The following PINK1 variants were observed in gnomAD, a reference collection of about 807,000 sequenced individuals.
PINK1 encodes serine/threonine-protein kinase PINK1, mitochondrial.
In PINK1, 58 loss-of-function variants were observed where a neutral mutation model predicts 56.0. That is an observed-to-expected ratio of 1.04 (90% CI 0.84 to 1.29). PINK1 has a LOEUF of 1.29. Among genes scored for constraint, PINK1 ranks in the 50% most tolerant of loss-of-function variants. The pLI, the probability that PINK1 is intolerant of heterozygous loss-of-function variation, is 0.00. For missense variants in PINK1, 745 were observed against 777.9 expected, an observed-to-expected ratio of 0.96 and a Z score of 0.50; for synonymous variants, 354 against 339.3, an observed-to-expected ratio of 1.04 and a Z score of -0.48.
chr1:20,645,605 C>T lies in PINK1; in HGVS notation c.1005C>T (p.Ser335=), dbSNP rs776594592. The T allele has an allele frequency of 1.3e-5, 21 of 1,613,894 alleles. No homozygotes were observed. In the Admixed American group the frequency reaches 1.3e-4, roughly 10 times the overall value. ...AGTACCTTTGTGTGAACACACCCAG[C>T]CCCCGCCTCGCCGCCATGATGCTGC... ...LRQYLCVNTP[S]PRLAAMMLLQ... The change falls in exon 5 of 8, where the codon AGC becomes AGT. Residue 335 remains serine (S), a synonymous_variant. Transcript: ENST00000321556.
Position 20,650,587 on chromosome 1 carries a change from T to A in PINK1, c.1642T>A (p.Cys548Ser). The A allele has an allele frequency of 6.2e-7, 1 of 1,614,196 alleles. No individual in the cohort carries two copies. The highest frequency in any genetic ancestry group is 8.5e-7 in the Non-Finnish European group (1 of 1,180,040). The part of the protein sequence containing the change: ...TLLANRLTEK[C>S]CVETKMKMLF... ...GTTGGCCAACAGGCTCACAGAGAAG[T>A]GTTGTGTGGAAACAAAAATGAAGAT... is the stretch of plus-strand genomic sequence containing the variant. The change falls in exon 8 of 8, where the codon TGT (cysteine) becomes AGT (serine). Residue 548 changes from cysteine to serine, a missense_variant. Physicochemically the swap from Cys to Ser is moderately radical, Grantham distance 112. Coordinates refer to ENST00000321556, the MANE Select transcript of PINK1 (RefSeq NM_032409.3).
At chr1:20,642,287 C>T (rs753884910) in intron 3 of PINK1, among the ~76,000 whole-genome samples, 1 of 152,210 alleles carries the variant, frequency 6.6e-6, no homozygotes, top group Non-Finnish European at 1.5e-5. Flanking sequence ...GCCAAGCTTT[C>T]TATTGTGAGT....
At chr1:20,648,330 G>A in intron 5 of PINK1, 175 bp from the exon 6 acceptor site, 1 of 853,576 alleles carries the variant, frequency 1.2e-6, no homozygotes, top group Non-Finnish European at 1.9e-6. Context: ...GCATTTCCGT[G>A]TTCGCACAGC....
chr1:20,645,847 G>C lies in PINK1; in HGVS notation c.1123+124G>C. 20 of 1,291,952 alleles carry C rather than the reference G, an allele frequency of 1.5e-5. No individual in the cohort carries two copies. The South Asian group carries it at 2.5e-4, about 16-fold the overall frequency. The allele number at this position is 1,291,952 out of a possible 1,614,324, so 80.0% of individuals were successfully genotyped here. ...CTAAGTCATGTCTTTATTTAGCTCC[G>C]CACACAAGAGGTTAGCAATCTCTCC... On this transcript the variant is annotated intron_variant, in intron 5 of 7. Coordinates refer to ENST00000321556, the MANE Select transcript of PINK1 (RefSeq NM_032409.3).
At chr1:20,647,520 G>C (rs376973620) in intron 5 of PINK1, among the ~76,000 whole-genome samples, 2 of 142,074 alleles carry the variant, frequency 1.4e-5, no homozygotes, top group Admixed American at 7.6e-5. Context: ...GCCCAGGCTG[G>C]AGTGCAGTGG....
intron 6 of PINK1, 170 bp from the exon 7 acceptor site, chr1:20,648,825 C>T (rs1345357215): frequency 7.2e-6 from 9 of 1,258,460 alleles, no homozygotes; most frequent in East Asian, 2.5e-5. Context: ...AGTCCTGTCA[C>T]ATAAACCAGG....
chr1:20,637,475 G>A (rs376021050), intron 1 of PINK1, among the ~76,000 whole-genome samples: 4 of 152,164 alleles, frequency 2.6e-5, no homozygotes, highest in Middle Eastern at 3.2e-3. Flanking sequence ...CCCAGGAGCC[G>A]TCAGCCAAGG....
At position 20,637,930 on chromosome 1, in the gene PINK1, G is replaced by A. The variant is rs979262553; in HGVS notation, c.476G>A (p.Gly159Glu). Residue 159 changes from glycine to glutamate, a missense_variant, in exon 2 of 8, where the codon GGG becomes GAG. Coordinates refer to ENST00000321556, the MANE Select transcript of PINK1 (RefSeq NM_032409.3). ...TTTCGGCTGGAGGAGTATCTGATAG[G>A]GCAGTCCATTGGTAAGGGCTGCAGT... Reference protein sequence around the residue: ...QGFRLEEYLIGQSIGKGCSAA... With the variant: ...QGFRLEEYLIEQSIGKGCSAA... The A allele has an allele frequency of 1.9e-6, 3 of 1,614,022 alleles. No individual in the cohort carries two copies. Among genetic ancestry groups the A allele is most frequent in the Non-Finnish European group, 2.5e-6 (3 of 1,180,040 alleles).
In PINK1 at chr1:20,638,082, G is replaced by A; in HGVS notation, c.628G>A (p.Gly210Arg). ...AGGAGAAGGGCAGGAGCGAGCTCCGGGGGCCCCTGCCTTCCCCTTGGCCAT... is the reference window on the plus strand; with the variant it reads ...AGGAGAAGGGCAGGAGCGAGCTCCGAGGGCCCCTGCCTTCCCCTTGGCCAT... ...APGEGQERAP[G>R]APAFPLAIKM... The change falls in exon 2 of 8, where the codon GGG becomes AGG. Residue 210 changes from glycine to arginine, a missense_variant. Physicochemically the swap from Gly to Arg is moderately radical, Grantham distance 125. Coordinates refer to ENST00000321556, the MANE Select transcript of PINK1 (RefSeq NM_032409.3). The A allele has an allele frequency of 6.2e-7, 1 of 1,613,948 alleles. No homozygotes were observed. Among genetic ancestry groups the A allele is most frequent in the Non-Finnish European group, 8.5e-7 (1 of 1,180,012 alleles).
intron 3 of PINK1, among the ~76,000 whole-genome samples, chr1:20,644,129 T>C (rs571534259): frequency 5.9e-4 from 90 of 152,136 alleles, no homozygotes; most frequent in Non-Finnish European, 1.2e-3. Context: ...GTGGATAAGG[T>C]TGGGGCTACT....
At chr1:20,637,789 T>C in intron 1 of PINK1, 53 bp from the exon 2 acceptor site, 4 of 1,604,374 alleles carry the variant, frequency 2.5e-6, no homozygotes, top group Non-Finnish European at 3.4e-6. Context: ...GTTTCCCTTT[T>C]CTTGGGCCTT....
chr1:20,647,949 A>T (rs1384182775), intron 5 of PINK1, among the ~76,000 whole-genome samples: 1 of 151,694 alleles, frequency 6.6e-6, no homozygotes, highest in Non-Finnish European at 1.5e-5. Context: ...AGTAGCTGGG[A>T]TACAGGCACA....
intron 4 of PINK1, among the ~76,000 whole-genome samples, chr1:20,644,901 C>T (rs570387445): frequency 3.9e-5 from 6 of 152,348 alleles, no homozygotes; most frequent in Non-Finnish European, 8.8e-5. Context: ...TACTTGTCAC[C>T]TAGTCCTTTT....
At chr1:20,639,842 A>T (rs2053097279) in intron 2 of PINK1, 50 bp from the exon 3 acceptor site, 1 of 1,544,232 alleles carries the variant, frequency 6.5e-7, no homozygotes, top group Admixed American at 1.8e-5. Context: ...CAAGGAACTT[A>T]CCATTCTGCT....
chr1:20,648,229 G>A (rs1282537955), intron 5 of PINK1: 3 of 485,344 alleles, frequency 6.2e-6, no homozygotes, highest in Admixed American at 3.2e-5. Flanking sequence ...AGCTCCTTTG[G>A]TCTTGGGGAC....
chr1:20,637,474 C>T lies in PINK1; in HGVS notation c.388-368C>T, dbSNP rs114724642. On this transcript the variant is annotated intron_variant, in intron 1 of 7. Transcript: ENST00000321556. ...ACACTCCTGCTAGTTGCCCAGGAGC[C>T]GTCAGCCAAGGTCTTTGCAGAGCGA... 6.7e-3 allele frequency among the ~76,000 whole-genome samples: 1,018 copies of T among 152,268 alleles called. 6 individuals carry two copies. Among genetic ancestry groups the T allele is most frequent in the African/African-American group, 0.023 (937 of 41,548 alleles).
In PINK1 at chr1:20,638,040, C is replaced by T. The variant is rs35802484; in HGVS notation, c.586C>T (p.Pro196Ser). ...KSTGLLPGRG[P>S]GTSAPGEGQE... ...CACCGGGTTGCTTCCAGGGAGAGGC[C>T]CAGGTACCAGTGCACCAGGAGAAGG... The change falls in exon 2 of 8, where the codon CCA (proline) becomes TCA (serine). Residue 196 changes from proline to serine, a missense_variant. Physicochemically the swap from Pro to Ser is moderately conservative, Grantham distance 74. Transcript: ENST00000321556. The T allele has an allele frequency of 6.8e-6, 11 of 1,614,122 alleles. No individual in the cohort carries two copies. The East Asian group carries it at 2.5e-4, about 36-fold the overall frequency.
intron 2 of PINK1, 107 bp from the exon 3 acceptor site, chr1:20,639,785 C>T (rs1163471746): frequency 2.9e-5 from 29 of 997,826 alleles, no homozygotes; most frequent in Admixed American, 1.8e-4. Context: ...AGGTCAGAGC[C>T]AATTCTAGGC....
intron 3 of PINK1, 118 bp from the exon 4 acceptor site, chr1:20,644,372 C>A (rs1161109194): frequency 1.7e-6 from 2 of 1,202,236 alleles, no homozygotes; most frequent in Non-Finnish European, 2.5e-6. Context: ...CTATGATAAA[C>A]ATTTGATAGT....
Sources: gnomAD v4.1 joint callset for allele counts (sites outside exome capture counted in the v4.1 genomes callset) on GRCh38, gnomAD v4.1.1 for gene constraint, MANE v1.5 for transcripts, NCBI Gene and HGNC (gene_info 2026-07-23, HGNC 2026-07-21) for gene names.